The following PAK3 variants were observed in gnomAD, a reference collection of about 807,000 sequenced individuals.
The protein encoded by PAK3 is p21 (RAC1) activated kinase 3.
In PAK3, 4 loss-of-function variants were observed where a neutral mutation model predicts 41.0. The ratio of observed to expected loss-of-function variants is 0.10; its 90% CI spans 0.05 to 0.22. The LOEUF (loss-of-function observed/expected upper bound fraction) is 0.22, where lower values mean the gene tolerates loss of function less well. Among genes scored for constraint, PAK3 ranks in the 10% least tolerant of loss-of-function variants. PAK3 has a pLI of 1.00. For synonymous variants in PAK3, 146 were observed against 139.6 expected (o/e 1.05, Z -0.32); for missense variants, 205 against 409.9 (o/e 0.50, Z 4.32).
chrX:111,084,685 G>C (rs1488506163), intron 1 of PAK3, among the ~76,000 whole-genome samples: 2 of 111,998 alleles, frequency 1.8e-5, no homozygotes, highest in East Asian at 2.8e-4. Context: ...CAAGTTTGTC[G>C]ATGCTTCACA....
chrX:111,195,156 G>T (rs2094599937), intron 14 of PAK3, among the ~76,000 whole-genome samples: 1 of 111,754 alleles, frequency 8.9e-6, no homozygotes, highest in South Asian at 3.8e-4. Flanking sequence ...AAAACTAAGT[G>T]ATATCAGCTA....
intron 1 of PAK3, among the ~76,000 whole-genome samples, chrX:111,032,160 C>T (rs181937026): frequency 1.4e-3 from 162 of 111,794 alleles, no homozygotes; most frequent in Non-Finnish European, 2.4e-3. Flanking sequence ...AGCACAAAAA[C>T]GGTTAAGAGG....
At chrX:111,195,350 C>T (rs140827961) in intron 14 of PAK3, among the ~76,000 whole-genome samples, 4,904 of 111,893 alleles carry the variant, frequency 0.044, 283 homozygotes, top group African/African-American at 0.15. Flanking sequence ...AAAGGCATTT[C>T]CAAACAAGTG....
intron 10 of PAK3, among the ~76,000 whole-genome samples, chrX:111,165,289 C>A (rs1764025448): frequency 8.9e-6 from 1 of 111,804 alleles, no homozygotes; most frequent in African/African-American, 3.3e-5. Flanking sequence ...TGATACTAAC[C>A]ATTTGCTGTA....
In PAK3 at chrX:111,223,104, C is replaced by A. The variant is rs1309145759; in HGVS notation, c.*2657C>A. ...TTGGTACAATCGAGTAACTTGAACG[C>A]CAGATTGTTAACAGTTTATTCTCTT... On this transcript the variant is annotated 3_prime_UTR_variant, in exon 18 of 18. Coordinates refer to ENST00000372007, the MANE Select transcript of PAK3 (RefSeq NM_002578.5). The A allele has an allele frequency of 9.0e-6, 1 of 110,803 alleles. No individual in the cohort carries two copies. The highest frequency in any genetic ancestry group is 1.9e-5 in the Non-Finnish European group (1 of 52,937). 9.1% of individuals were successfully genotyped at this position (110,803 alleles called of 1,213,427 possible). A position where few individuals can be genotyped will look rare whatever the true frequency, so the allele number is the denominator to read the frequency against.
intron 1 of PAK3, among the ~76,000 whole-genome samples, chrX:111,025,386 A>G (rs1296354728): frequency 8.9e-6 from 1 of 111,835 alleles, no homozygotes; most frequent in Non-Finnish European, 1.9e-5. Context: ...AAATTGATAG[A>G]CCATTAGCAA....
At chrX:111,153,372 A>C (rs1439416349) in intron 8 of PAK3, among the ~76,000 whole-genome samples, 2 of 112,167 alleles carry the variant, frequency 1.8e-5, no homozygotes, top group Non-Finnish European at 3.8e-5. Context: ...TTATCAGAGA[A>C]GTGACTAGAA....
intron 1 of PAK3, among the ~76,000 whole-genome samples, chrX:110,969,579 G>A (rs1380716360): frequency 9.2e-6 from 1 of 108,691 alleles, no homozygotes; most frequent in African/African-American, 3.4e-5. Context: ...GGGATTACAG[G>A]CATGAACCAC....
chrX:111,098,758 G>A (rs1261969821), intron 3 of PAK3: 1 of 107,898 alleles, frequency 9.3e-6, no homozygotes, highest in East Asian at 2.9e-4. Context: ...CCTGGTCTGG[G>A]ACCCCTGCTC....
chrX:111,064,631 C>A (rs1312617428), intron 1 of PAK3, among the ~76,000 whole-genome samples: 1 of 112,329 alleles, frequency 8.9e-6, no homozygotes, highest in East Asian at 2.8e-4. Context: ...TGATTTCATT[C>A]TTTTATATGG....
chrX:110,996,661 C>T (rs186287666), intron 1 of PAK3, among the ~76,000 whole-genome samples: 4 of 110,972 alleles, frequency 3.6e-5, no homozygotes, highest in African/African-American at 1.3e-4. Flanking sequence ...TCTCTCTTTC[C>T]CCCACCACCC....
intron 5 of PAK3, among the ~76,000 whole-genome samples, chrX:111,130,479 G>C (rs1409641052): frequency 8.9e-6 from 1 of 111,921 alleles, no homozygotes; most frequent in Non-Finnish European, 1.9e-5. Context: ...ATAAATTCCA[G>C]ATAGGCTAAT....
intron 11 of PAK3, among the ~76,000 whole-genome samples, chrX:111,187,397 A>G (rs1472060072): frequency 8.9e-6 from 1 of 112,024 alleles, no homozygotes; most frequent in African/African-American, 3.2e-5. Flanking sequence ...GCTAATATTT[A>G]TTGGGAAATC....
At chrX:110,978,069 C>G (rs773015702) in intron 1 of PAK3, among the ~76,000 whole-genome samples, 1 of 111,751 alleles carries the variant, frequency 8.9e-6, no homozygotes, top group South Asian at 3.8e-4. Flanking sequence ...CTATCTGTAG[C>G]TTGTTGAGTG....
At position 111,226,365 on chromosome X, in the gene PAK3, G is replaced by A. The variant is rs1207157607; in HGVS notation, c.*5918G>A. The A allele has an allele frequency of 1.8e-5, 2 of 111,376 alleles. No homozygotes were observed. The highest frequency in any genetic ancestry group is 3.8e-5 in the Non-Finnish European group (2 of 53,145). The allele number at this position is 111,376 out of a possible 1,213,427, so 9.2% of individuals were successfully genotyped here. ...AAAGTCTGGTTTTCATTAAGCTGTG[G>A]CCAGTATTTGCCACTACAACAGAAA... On this transcript the variant is annotated 3_prime_UTR_variant, in exon 18 of 18. Transcript: ENST00000372007.
intron 1 of PAK3, among the ~76,000 whole-genome samples, chrX:110,985,884 G>A (rs1358319248): frequency 9.0e-6 from 1 of 111,678 alleles, no homozygotes; most frequent in South Asian, 3.8e-4. Flanking sequence ...GTGAGAATGA[G>A]AACAGTCTCA....
At chrX:110,967,918 C>T (rs1423922740) in intron 1 of PAK3, among the ~76,000 whole-genome samples, 1 of 111,952 alleles carries the variant, frequency 8.9e-6, no homozygotes, top group African/African-American at 3.3e-5. Context: ...ACAACACAGT[C>T]AAGATACAGA....
At chrX:111,194,805 A>T (rs1192755610) in intron 14 of PAK3, among the ~76,000 whole-genome samples, 1 of 111,909 alleles carries the variant, frequency 8.9e-6, no homozygotes, top group South Asian at 3.8e-4. Flanking sequence ...ATGTAAAATA[A>T]ATTATATTTT....
At chrX:110,969,838 T>A (rs777315308) in intron 1 of PAK3, among the ~76,000 whole-genome samples, 2 of 112,264 alleles carry the variant, frequency 1.8e-5, no homozygotes, top group Non-Finnish European at 3.8e-5. Context: ...CCAAATATAT[T>A]ACAGAATTAT....
Sources: allele counts gnomAD v4.1 joint callset (sites outside exome capture counted in the v4.1 genomes callset), GRCh38; gene constraint gnomAD v4.1.1; transcripts MANE v1.5; gene names NCBI Gene and HGNC (gene_info 2026-07-23, HGNC 2026-07-21).